The following DAG1 variants were observed in gnomAD, a reference collection of about 807,000 sequenced individuals.
DAG1 encodes dystroglycan 1 (dystrophin-associated glycoprotein 1).
DAG1 carries 8 observed loss-of-function variants against 46.1 expected under a neutral mutation model. The observed-to-expected ratio is 0.17, with a 90% CI of 0.10 to 0.31. The LOEUF (loss-of-function observed/expected upper bound fraction) is 0.31, where lower values mean the gene tolerates loss of function less well. Among genes scored for constraint, DAG1 ranks in the 10% least tolerant of loss-of-function variants. The probability of loss-of-function intolerance (pLI) is 1.00; values close to 1 mark genes in which losing one functional copy is unlikely to be tolerated. For missense variants in DAG1, 1,003 were observed against 1,189.9 expected (o/e 0.84, Z 2.31); for synonymous variants, 495 against 481.8 (o/e 1.03, Z -0.36).
chr3:49,491,842 C>T (rs2050195781), intron 1 of DAG1, among the ~76,000 whole-genome samples: 1 of 152,092 alleles, frequency 6.6e-6, no homozygotes, highest in South Asian at 2.1e-4. Context: ...TGGTCTCAAA[C>T]TCCTGACCTC....
At chr3:49,511,359 A>G (rs181370190) in intron 2 of DAG1, among the ~76,000 whole-genome samples, 17 of 152,216 alleles carry the variant, frequency 1.1e-4, no homozygotes, top group Non-Finnish European at 1.8e-4. Context: ...TGTAGAGAAG[A>G]GTGTCTTGGT....
chr3:49,481,828 C>G (rs1383727061), intron 1 of DAG1, among the ~76,000 whole-genome samples: 1 of 152,174 alleles, frequency 6.6e-6, no homozygotes, highest in East Asian at 1.9e-4. Context: ...AATCTACAAA[C>G]AAGCACCTCT....
At chr3:49,494,760 G>A (rs896121588) in intron 1 of DAG1, among the ~76,000 whole-genome samples, 2 of 149,972 alleles carry the variant, frequency 1.3e-5, no homozygotes, top group South Asian at 2.2e-4. Flanking sequence ...TCAGCTTCCC[G>A]AGTAGCTGGG....
At chr3:49,508,044 T>C (rs895819758) in intron 1 of DAG1, among the ~76,000 whole-genome samples, 5 of 152,060 alleles carry the variant, frequency 3.3e-5, no homozygotes. Context: ...TGTCTTCTCT[T>C]TTTTCTTGTA....
At chr3:49,506,082 C>T (rs149273410) in intron 1 of DAG1, among the ~76,000 whole-genome samples, 29,685 of 150,604 alleles carry the variant, frequency 0.2, 3,322 homozygotes, top group Middle Eastern at 0.28. Context: ...TGGGTTCAAG[C>T]GATTCTCCTG....
chr3:49,479,489 C>T (rs992898367), intron 1 of DAG1, among the ~76,000 whole-genome samples: 3 of 150,992 alleles, frequency 2.0e-5, no homozygotes, highest in African/African-American at 7.3e-5. Flanking sequence ...TTTATATATT[C>T]AGTAGAGACT....
At chr3:49,490,305 A>G (rs1036184660) in intron 1 of DAG1, among the ~76,000 whole-genome samples, 3 of 151,644 alleles carry the variant, frequency 2.0e-5, no homozygotes, top group Admixed American at 2.0e-4. Flanking sequence ...GTGAGCCGAG[A>G]TCGCGCCACT....
chr3:49,475,102 G>A (rs768947200), intron 1 of DAG1, among the ~76,000 whole-genome samples: 2 of 147,452 alleles, frequency 1.4e-5, no homozygotes, highest in African/African-American at 2.5e-5. Flanking sequence ...GTGAGCCACC[G>A]TGCCCGGTTT....
rs938674678 is a variant in DAG1 at position 49,491,901 on chromosome 3, G to T, written c.-116-18518G>T. On this transcript the variant is annotated intron_variant, in intron 1 of 2. Transcript: ENST00000308775. ...CCCAGAGTACTGGGATTACAGGCGT[G>T]AGCTGCCTCGCCTGGCCCCAAGTCT... Among the ~76,000 whole-genome samples, 3 of 151,184 alleles carry T rather than the reference G, an allele frequency of 2.0e-5. No individual in the cohort carries two copies. In the South Asian group the frequency reaches 6.3e-4, roughly 32 times the overall value.
At position 49,470,279 on chromosome 3, in the gene DAG1, G is replaced by C. The variant is rs1366679355; in HGVS notation, c.-271G>C. The C allele has an allele frequency of 6.6e-6, 1 of 152,030 alleles. No homozygotes were observed. Among genetic ancestry groups the C allele is most frequent in the Non-Finnish European group, 1.5e-5 (1 of 68,022 alleles). The allele number at this position is 152,030 out of a possible 1,614,324, so 9.4% of individuals were successfully genotyped here. On this transcript the variant is annotated 5_prime_UTR_variant, in exon 1 of 3. Coordinates refer to ENST00000308775, the MANE Select transcript of DAG1 (RefSeq NM_004393.6). ...TCAGCGCCCTCTCACCGCCCGGTAC[G>C]TGCTCGCGCGAAGGCTGCGGCGCGG...
At chr3:49,474,838 C>T (rs963334888) in intron 1 of DAG1, among the ~76,000 whole-genome samples, 9 of 143,904 alleles carry the variant, frequency 6.3e-5, no homozygotes, top group Non-Finnish European at 9.0e-5. Context: ...GACGGAGTCT[C>T]GCTCTGTCAC....
At chr3:49,513,933 G>A (rs1042650409) in intron 2 of DAG1, among the ~76,000 whole-genome samples, 1 of 152,108 alleles carries the variant, frequency 6.6e-6, no homozygotes, top group Non-Finnish European at 1.5e-5. Context: ...AATGTTTTAC[G>A]TGGATTAATC....
intron 1 of DAG1, among the ~76,000 whole-genome samples, chr3:49,477,716 C>T (rs2049721927): frequency 6.6e-6 from 1 of 152,192 alleles, no homozygotes; most frequent in South Asian, 2.1e-4. Flanking sequence ...AATCCCAGCA[C>T]TTTGGGAGGC....
intron 2 of DAG1, among the ~76,000 whole-genome samples, chr3:49,525,610 T>G (rs1408938272): frequency 1.5e-4 from 22 of 150,290 alleles, no homozygotes; most frequent in Non-Finnish European, 2.8e-4. Context: ...CAGGCTGGAG[T>G]GCCGTGGCGT....
At chr3:49,502,030 C>T (rs1280629034) in intron 1 of DAG1, among the ~76,000 whole-genome samples, 6 of 152,112 alleles carry the variant, frequency 3.9e-5, no homozygotes, top group Non-Finnish European at 1.5e-5. Context: ...ACAAATTAGC[C>T]TGGTGTGGTG....
intron 1 of DAG1, among the ~76,000 whole-genome samples, chr3:49,471,792 C>A (rs903363931): frequency 6.6e-6 from 1 of 152,162 alleles, no homozygotes; most frequent in Non-Finnish European, 1.5e-5. Flanking sequence ...GTGGTAGATC[C>A]TAGGGACCCA....
chr3:49,513,562 G>C (rs1428458350), intron 2 of DAG1, among the ~76,000 whole-genome samples: 1 of 151,960 alleles, frequency 6.6e-6, no homozygotes, highest in Non-Finnish European at 1.5e-5. Context: ...CCTGAATCTG[G>C]GTGGACCTCC....
chr3:49,513,916 C>A (rs925675053), intron 2 of DAG1, among the ~76,000 whole-genome samples: 1 of 152,116 alleles, frequency 6.6e-6, no homozygotes, highest in African/African-American at 2.4e-5. Flanking sequence ...GTTCCAGTAG[C>A]CATTGGAATG....
intron 1 of DAG1, among the ~76,000 whole-genome samples, chr3:49,489,596 C>T (rs1226853884): frequency 6.6e-6 from 1 of 151,972 alleles, no homozygotes; most frequent in Non-Finnish European, 1.5e-5. Context: ...AGGGAAGGTT[C>T]CTGGGAAGGG....
Sources: allele counts gnomAD v4.1 joint callset (sites outside exome capture counted in the v4.1 genomes callset), GRCh38; gene constraint gnomAD v4.1.1; transcripts MANE v1.5; gene names NCBI Gene and HGNC (gene_info 2026-07-23, HGNC 2026-07-21).